Variants in SELE observed in about 807,000 individuals in gnomAD.
The protein encoded by SELE is E-selectin.
SELE carries 52 observed loss-of-function variants against 75.8 expected under a neutral mutation model. That is an observed-to-expected ratio of 0.69 (90% CI 0.55 to 0.86). SELE has a LOEUF of 0.86. Ranked by LOEUF, SELE falls within the 40% of genes least tolerant of loss-of-function variation. The pLI, the probability that SELE is intolerant of heterozygous loss-of-function variation, is 0.00. For missense variants in SELE, 754 were observed against 732.7 expected, an observed-to-expected ratio of 1.03 and a Z score of -0.34; for synonymous variants, 285 against 258.7, an observed-to-expected ratio of 1.10 and a Z score of -0.98.
chr1:169,725,618 TTCTC>T, intron 13 of SELE, 107 bp downstream of exon 13: 1 of 804,982 alleles, frequency 1.2e-6, no homozygotes, highest in Non-Finnish European at 2.0e-6. Flanking sequence ...AGGTGATGAT[TTCTC>T]CCCTGCTCCC....
In SELE at chr1:169,730,580, T is replaced by A; in HGVS notation, c.567A>T (p.Gly189=). ...CCAGTGGGTGACTGCAAACCAGGCT[T>A]CCATGCTCAGGGGATTCCAGGGCTG... is the stretch of plus-strand genomic sequence containing the variant. ...NCTALESPEH[G]SLVCSHPLGN... The change falls in exon 5 of 14, where the codon GGA becomes GGT. Residue 189 remains glycine (G), a synonymous_variant. Coordinates refer to ENST00000333360, the MANE Select transcript of SELE (RefSeq NM_000450.2). 7 of 1,614,010 alleles carry A rather than the reference T, an allele frequency of 4.3e-6. No homozygotes were observed. The highest frequency in any genetic ancestry group is 5.1e-6 in the Non-Finnish European group (6 of 1,179,974).
rs1648670961 is a variant in SELE, at chr1:169,723,222, C to T, written c.*1303G>A. 1 of 152,222 alleles carries T rather than the reference C, an allele frequency of 6.6e-6. No individual in the cohort carries two copies. The highest frequency in any genetic ancestry group is 1.9e-4 in the East Asian group (1 of 5,202). 9.4% of individuals were successfully genotyped at this position (152,222 alleles called of 1,614,324 possible). A position where few individuals can be genotyped will look rare whatever the true frequency, so the allele number is the denominator to read the frequency against. On this transcript the variant is annotated 3_prime_UTR_variant, in exon 14 of 14. Coordinates refer to ENST00000333360, the MANE Select transcript of SELE (RefSeq NM_000450.2). ...AATGCTTGCTCACACAGGCATTCCTCTCTTCCAGAGCACCCTAACATACAG... is the reference window on the plus strand; with the variant it reads ...AATGCTTGCTCACACAGGCATTCCTTTCTTCCAGAGCACCCTAACATACAG...
intron 4 of SELE, among the ~76,000 whole-genome samples, chr1:169,730,915 A>G (rs540793718): frequency 6.6e-6 from 1 of 151,824 alleles, no homozygotes; most frequent in African/African-American, 2.4e-5. Context: ...ATATGAACAA[A>G]CACAGCAAAC....
At chr1:169,731,053 A>T (rs533344897) in intron 4 of SELE, among the ~76,000 whole-genome samples, 94 of 152,314 alleles carry the variant, frequency 6.2e-4, no homozygotes, top group African/African-American at 2.2e-3. Flanking sequence ...ATACATTACA[A>T]ATTTTAAAAC....
intron 2 of SELE, among the ~76,000 whole-genome samples, chr1:169,733,289 T>C (rs1218966667): frequency 6.6e-6 from 1 of 152,218 alleles, no homozygotes; most frequent in Non-Finnish European, 1.5e-5. Context: ...GCACTTAGTA[T>C]GCACCAAGAA....
In SELE at chr1:169,730,538, A is replaced by T; in HGVS notation, c.609T>A (p.Asn203Lys). ...TATCACAGCTGATAGAGCAGGAAGA[A>T]TTGTAGCTGAAGTTTCCCAGTGGGT... ...CSHPLGNFSY[N>K]SSCSISCDRG... The change falls in exon 5 of 14, where the codon AAT (asparagine) becomes AAA (lysine). Residue 203 changes from asparagine to lysine, a missense_variant. Coordinates refer to ENST00000333360, the MANE Select transcript of SELE (RefSeq NM_000450.2). 6.2e-7 allele frequency: 1 copy of T among 1,614,012 alleles called. No individual in the cohort carries two copies. The highest frequency in any genetic ancestry group is 8.5e-7 in the Non-Finnish European group (1 of 1,179,978).
chr1:169,732,948 C>CT lies in SELE; in HGVS notation c.87dup (p.Ala30SerfsTer5), dbSNP rs1226433470. 6.2e-7 allele frequency: 1 copy of CT among 1,611,786 alleles called. No homozygotes were observed. Among genetic ancestry groups the CT allele is most frequent in the African/African-American group, 1.3e-5 (1 of 74,788 alleles). On this transcript the variant is annotated frameshift_variant, in exon 3 of 14. Transcript: ENST00000333360. LOFTEE classifies it high-confidence loss of function. Reference sequence around the variant, plus strand: ...GCACTGGCCTCATCATAAGTCATAGCTTCCGTGGAGGTGTTGTAAGACCAG... The same window carrying CT: ...GCACTGGCCTCATCATAAGTCATAGCTTTCCGTGGAGGTGTTGTAAGACCAG...
At chr1:169,729,087 T>G in intron 7 of SELE, 99 bp downstream of exon 7, 1 of 1,075,354 alleles carries the variant, frequency 9.3e-7, no homozygotes, top group Non-Finnish European at 1.3e-6. Flanking sequence ...TCAAATCTGA[T>G]TTCTATAGTT....
chr1:169,727,435 C>G lies in SELE; in HGVS notation c.1559G>C (p.Cys520Ser). 1.9e-6 allele frequency: 3 copies of G among 1,614,202 alleles called. No individual in the cohort carries two copies. Among genetic ancestry groups the G allele is most frequent in the Non-Finnish European group, 2.5e-6 (3 of 1,180,036 alleles). Reference sequence around the variant, plus strand: ...GCCATTGAGCGTCCATCCTTCAGGACAGGCGAACTTGCACACAGTGCCAAA... The same window carrying G: ...GCCATTGAGCGTCCATCCTTCAGGAGAGGCGAACTTGCACACAGTGCCAAA... ...PVFGTVCKFA[C>S]PEGWTLNGSA... Residue 520 changes from cysteine to serine, a missense_variant, in exon 10 of 14, where the codon TGT (cysteine) becomes TCT (serine). Cys to Ser is a moderately radical substitution (Grantham distance 112, BLOSUM62 -1). Coordinates refer to ENST00000333360, the MANE Select transcript of SELE (RefSeq NM_000450.2).
At chr1:169,728,498 T>A (rs1176188064) in intron 7 of SELE, among the ~76,000 whole-genome samples, 1 of 152,146 alleles carries the variant, frequency 6.6e-6, no homozygotes, top group Non-Finnish European at 1.5e-5. Flanking sequence ...CAAAATAAAT[T>A]ATGGTCCAAG....
At chr1:169,730,385 T>C (rs747411824) in intron 5 of SELE, 47 bp downstream of exon 5, 1 of 1,415,142 alleles carries the variant, frequency 7.1e-7, no homozygotes, top group Middle Eastern at 1.9e-4. Context: ...ACAGAAGCAA[T>C]GAGGGATGAG....
Position 169,725,947 on chromosome 1 carries a change from A to C in SELE, c.1754-19T>G. ...TTCTTTGCTGCAAAAGAAAAGACAA[A>C]CAACCATTAATTCAGACTAAATGAC... On this transcript the variant is annotated intron_variant, in intron 11 of 13. Coordinates refer to ENST00000333360, the MANE Select transcript of SELE (RefSeq NM_000450.2). The C allele has an allele frequency of 1.2e-6, 2 of 1,613,754 alleles. No homozygotes were observed. The highest frequency in any genetic ancestry group is 1.7e-5 in the Admixed American group (1 of 60,018).
Position 169,727,472 on chromosome 1 carries a change from C to T in SELE, c.1522G>A (p.Gly508Arg). ...CACACAGTGCCAAACACGGGCTCCC[C>T]ACTGCAGCTCATGTTGATCTTTCCC... ...VPGKINMSCS[G>R]EPVFGTVCKF... Residue 508 changes from glycine (G) to arginine (R), a missense_variant, in exon 10 of 14, where the codon GGG becomes AGG. Transcript: ENST00000333360. 1 of 1,614,172 alleles carries T rather than the reference C, an allele frequency of 6.2e-7. No individual in the cohort carries two copies. Among genetic ancestry groups the T allele is most frequent in the South Asian group, 1.1e-5 (1 of 91,086 alleles).
In SELE at chr1:169,727,332, A is replaced by G; in HGVS notation, c.1645+17T>C. On this transcript the variant is annotated intron_variant, in intron 10 of 13. Coordinates refer to ENST00000333360, the MANE Select transcript of SELE (RefSeq NM_000450.2). ...TCTTTTTAATCACCAGACAACCACCATCAATCAATGCATCACCTTCACAGG... is the reference window on the plus strand; with the variant it reads ...TCTTTTTAATCACCAGACAACCACCGTCAATCAATGCATCACCTTCACAGG... The G allele has an allele frequency of 6.3e-7, 1 of 1,599,830 alleles. No homozygotes were observed. The highest frequency in any genetic ancestry group is 1.1e-5 in the South Asian group (1 of 89,420).
chr1:169,727,390 C>G lies in SELE; in HGVS notation c.1604G>C (p.Gly535Ala). 2 of 1,614,152 alleles carry G rather than the reference C, an allele frequency of 1.2e-6. No individual in the cohort carries two copies. Among genetic ancestry groups the G allele is most frequent in the Non-Finnish European group, 1.7e-6 (2 of 1,180,010 alleles). ...TLNGSAARTCGATGHWSGLLP... is the reference protein window; with the variant it reads ...TLNGSAARTCAATGHWSGLLP... ...CAGGCCAGACCAGTGTCCTGTGGCT[C>G]CACATGTCCGAGCTGCAGAGCCATT... Residue 535 changes from glycine (G) to alanine (A), a missense_variant, in exon 10 of 14, where the codon GGA becomes GCA. Physicochemically the swap from Gly to Ala is moderately conservative, Grantham distance 60. Coordinates refer to ENST00000333360, the MANE Select transcript of SELE (RefSeq NM_000450.2).
chr1:169,733,062 T>C, intron 2 of SELE, 64 bp from the exon 3 acceptor site: 12 of 1,455,356 alleles, frequency 8.2e-6, no homozygotes, highest in Non-Finnish European at 1.1e-5. Flanking sequence ...CTCTGACAAC[T>C]GTGCTTTTTA....
chr1:169,731,793 G>A (rs528322562), intron 4 of SELE, 42 bp downstream of exon 4: 38 of 1,318,166 alleles, frequency 2.9e-5, no homozygotes, highest in Admixed American at 2.5e-4. Context: ...GTGAGATGGT[G>A]CTACCATCTC....
chr1:169,733,933 T>C (rs1390013263), intron 1 of SELE, 38 bp downstream of exon 1: 6 of 371,118 alleles, frequency 1.6e-5, no homozygotes, highest in South Asian at 3.0e-5. Flanking sequence ...CTGTGTTTCA[T>C]GGCCCGAGGC....
At chr1:169,728,521 G>A (rs749644459) in intron 7 of SELE, among the ~76,000 whole-genome samples, 3 of 152,146 alleles carry the variant, frequency 2.0e-5, no homozygotes, top group African/African-American at 4.8e-5. Flanking sequence ...AAGATTTCAC[G>A]CAGTCTGAGG....
Sources: gnomAD v4.1 joint callset for allele counts (sites outside exome capture counted in the v4.1 genomes callset) on GRCh38, gnomAD v4.1.1 for gene constraint, MANE v1.5 for transcripts, NCBI Gene and HGNC (gene_info 2026-07-23, HGNC 2026-07-21) for gene names.